Variants in TUSC3 observed in about 807,000 individuals in gnomAD.
TUSC3 encodes the protein dolichyl-diphosphooligosaccharide--protein glycosyltransferase subunit TUSC3.
Under a neutral mutation model 44.8 loss-of-function variants are expected in TUSC3, and 45 were observed. That is an observed-to-expected ratio of 1.00 (90% confidence interval 0.79 to 1.29). The LOEUF (loss-of-function observed/expected upper bound fraction) is 1.29. Among genes scored for constraint, TUSC3 ranks in the 50% most tolerant of loss-of-function variants. The pLI is 0.00. For missense variants in TUSC3, 519 were observed against 437.9 expected, an observed-to-expected ratio of 1.19 and a Z score of -1.65; for synonymous variants, 212 against 152.9, an observed-to-expected ratio of 1.39 and a Z score of -2.85.
the TUSC3 span, among the ~76,000 whole-genome samples, chr8:15,784,501 T>C: frequency 7.7e-6 from 1 of 130,710 alleles, no homozygotes; most frequent in East Asian, 2.6e-4. Context: ...TATGTGTATG[T>C]GTGTGTGTGT....
chr8:15,757,764 TG>T, intron 9 of TUSC3, 26 bp from the exon 10 acceptor site: 2 of 1,472,400 alleles, frequency 1.4e-6, no homozygotes, highest in Non-Finnish European at 1.9e-6. Context: ...TCCATATTGT[TG>T]TATTTCATTG....
chr8:15,624,361 A>G (rs1805395358), intron 2 of TUSC3, among the ~76,000 whole-genome samples: 1 of 152,134 alleles, frequency 6.6e-6, no homozygotes, highest in South Asian at 2.1e-4. Flanking sequence ...GTTGTGTGGT[A>G]GTTTCTATTT....
chr8:15,722,185 A>G (rs940775216), intron 6 of TUSC3, among the ~76,000 whole-genome samples: 5 of 151,184 alleles, frequency 3.3e-5, no homozygotes, highest in African/African-American at 7.3e-5. Context: ...AGGGGCAGCT[A>G]TCGTGAATTA....
chr8:15,543,484 G>C (rs1449758378), intron 1 of TUSC3, among the ~76,000 whole-genome samples: 1 of 151,982 alleles, frequency 6.6e-6, no homozygotes, highest in Non-Finnish European at 1.5e-5. Context: ...TCAGGCAAAC[G>C]ACAAACTCTC....
chr8:15,779,464 A>G, the TUSC3 span, among the ~76,000 whole-genome samples: 43 of 146,376 alleles, frequency 2.9e-4, no homozygotes, highest in Admixed American at 2.7e-4. Flanking sequence ...AAAAAGTACA[A>G]AAGCTGAAGG....
downstream of TUSC3, among the ~76,000 whole-genome samples, chr8:15,771,087 A>G (rs1812433159): frequency 6.6e-6 from 1 of 152,194 alleles, no homozygotes; most frequent in Non-Finnish European, 1.5e-5. Context: ...AGAGGCCATT[A>G]AGGCAGAAAG....
intron 1 of TUSC3, among the ~76,000 whole-genome samples, chr8:15,458,721 A>G (rs1454602303): frequency 1.3e-5 from 2 of 152,162 alleles, no homozygotes; most frequent in Admixed American, 1.3e-4. Context: ...AAATGAACTA[A>G]TTTTTCATAG....
intron 10 of TUSC3, among the ~76,000 whole-genome samples, chr8:15,762,407 G>A (rs2129225001): frequency 6.6e-6 from 1 of 151,924 alleles, no homozygotes; most frequent in African/African-American, 2.4e-5. Flanking sequence ...GAAAAAAACA[G>A]TAGCATAACT....
chr8:15,770,544 A>C (rs542749578), downstream of TUSC3, among the ~76,000 whole-genome samples: 3 of 152,330 alleles, frequency 2.0e-5, no homozygotes, highest in South Asian at 4.1e-4. Flanking sequence ...CCAGAACTTA[A>C]AGTATAATTT....
intron 1 of TUSC3, among the ~76,000 whole-genome samples, chr8:15,421,032 C>A (rs975059275): frequency 6.6e-6 from 1 of 152,164 alleles, no homozygotes; most frequent in Non-Finnish European, 1.5e-5. Context: ...GAACTCTGCA[C>A]TTATATATCC....
At chr8:15,696,153 A>G (rs78908573) in intron 6 of TUSC3, among the ~76,000 whole-genome samples, 12,035 of 152,240 alleles carry the variant, frequency 0.079, 621 homozygotes, top group East Asian at 0.26. Context: ...TCACAGGCCC[A>G]GAGGCCTAGG....
chr8:15,714,681 CTCTG>C (rs1809992390), intron 6 of TUSC3, among the ~76,000 whole-genome samples: 2 of 152,066 alleles, frequency 1.3e-5, no homozygotes, highest in South Asian at 2.1e-4. Context: ...ATTTCTTGTC[CTCTG>C]TCTGCTAGTT....
At chr8:15,531,923 C>T (rs1462989167) in intron 2 of TUSC3, among the ~76,000 whole-genome samples, 1 of 152,110 alleles carries the variant, frequency 6.6e-6, no homozygotes, top group East Asian at 1.9e-4. Context: ...AGGAAAGAAA[C>T]TGTCATGAAA....
intron 1 of TUSC3, among the ~76,000 whole-genome samples, chr8:15,540,866 C>T (rs1801664501): frequency 1.3e-5 from 2 of 152,194 alleles, no homozygotes; most frequent in South Asian, 4.1e-4. Flanking sequence ...AGCAATGGTG[C>T]CACTAAAAGG....
At chr8:15,677,407 A>G (rs535362453) in intron 6 of TUSC3, among the ~76,000 whole-genome samples, 29 of 152,364 alleles carry the variant, frequency 1.9e-4, no homozygotes, top group Non-Finnish European at 3.4e-4. Flanking sequence ...TCTGGCTCAC[A>G]GAGACATTTT....
intron 2 of TUSC3, among the ~76,000 whole-genome samples, chr8:15,641,213 T>A (rs892303820): frequency 2.0e-5 from 3 of 151,396 alleles, no homozygotes; most frequent in Non-Finnish European, 4.4e-5. Context: ...TAGAGAAAAT[T>A]AGCTGGGCGC....
At chr8:15,812,252 G>A in the TUSC3 span, among the ~76,000 whole-genome samples, 1 of 152,190 alleles carries the variant, frequency 6.6e-6, no homozygotes, top group Non-Finnish European at 1.5e-5. Flanking sequence ...ATTGTAGACT[G>A]AAAGGTTCAA....
chr8:15,467,009 T>C (rs12674702), intron 1 of TUSC3, among the ~76,000 whole-genome samples: 84,717 of 151,906 alleles, frequency 0.56, 24,642 homozygotes, highest in African/African-American at 0.72. Context: ...ATTTCACTGA[T>C]ATTTGAGAGT....
chr8:15,608,627 ATGT>A (rs1193794869), intron 1 of TUSC3, among the ~76,000 whole-genome samples: 2 of 152,092 alleles, frequency 1.3e-5, no homozygotes, highest in African/African-American at 4.8e-5. Flanking sequence ...GGTTTCCCCC[ATGT>A]TGTTCTTGTG....
Sources: gnomAD v4.1 joint callset for allele counts (sites outside exome capture counted in the v4.1 genomes callset) on GRCh38, gnomAD v4.1.1 for gene constraint, MANE v1.5 for transcripts, NCBI Gene and HGNC (gene_info 2026-07-23, HGNC 2026-07-21) for gene names.